Variants in ANO1 observed in about 807,000 individuals in gnomAD.
ANO1 encodes anoctamin-1.
In ANO1, 59 loss-of-function variants were observed where a neutral mutation model predicts 124.0. That is an observed-to-expected ratio of 0.48 (90% CI 0.39 to 0.59). ANO1 has a LOEUF of 0.59. ANO1 is among the 20% of genes least tolerant of loss of function. The probability of loss-of-function intolerance (pLI) is 0.00; values close to 1 mark genes in which losing one functional copy is unlikely to be tolerated. For synonymous variants in ANO1, 529 were observed against 532.0 expected (o/e 0.99, Z 0.08); for missense variants, 1,059 against 1,328.0 (o/e 0.80, Z 3.15).
chr11:70,097,059 G>T (rs1157455447), intron 2 of ANO1, among the ~76,000 whole-genome samples: 1 of 152,102 alleles, frequency 6.6e-6, no homozygotes, highest in East Asian at 1.9e-4. Flanking sequence ...TCCTGGGAGG[G>T]TTGATCTGAG....
chr11:70,158,033 T>C (rs933751100), intron 16 of ANO1, among the ~76,000 whole-genome samples: 1 of 146,362 alleles, frequency 6.8e-6, no homozygotes, highest in Non-Finnish European at 1.5e-5. Context: ...GACCAAAACA[T>C]GACTTGAGCC....
At chr11:70,045,683 G>T (rs1857249438) in intron 1 of ANO1, among the ~76,000 whole-genome samples, 1 of 152,024 alleles carries the variant, frequency 6.6e-6, no homozygotes. Flanking sequence ...TTTAAGGGAA[G>T]ATCTTCACTT....
chr11:70,097,536 G>T (rs1451827089), intron 2 of ANO1, among the ~76,000 whole-genome samples: 2 of 152,220 alleles, frequency 1.3e-5, no homozygotes, highest in African/African-American at 4.8e-5. Flanking sequence ...GCCCTCTGGA[G>T]CCGTGCGGGT....
At chr11:69,976,807 G>A in the ANO1 span, among the ~76,000 whole-genome samples, 2 of 152,216 alleles carry the variant, frequency 1.3e-5, no homozygotes, top group African/African-American at 4.8e-5. Context: ...GAGTCACCTT[G>A]GCTGCCAGGC....
chr11:70,022,917 A>G (rs1856833213), intron 1 of ANO1, among the ~76,000 whole-genome samples: 1 of 152,192 alleles, frequency 6.6e-6, no homozygotes, highest in Admixed American at 6.5e-5. Flanking sequence ...AGGCAGGGGA[A>G]GCAGAGTCGG....
In ANO1 at chr11:70,185,570, T is replaced by A. The variant is rs1171347722; in HGVS notation, c.2589-20T>A. 1 of 1,609,352 alleles carries A rather than the reference T, an allele frequency of 6.2e-7. No homozygotes were observed. Among genetic ancestry groups the A allele is most frequent in the Non-Finnish European group, 8.5e-7 (1 of 1,176,442 alleles). ...GCCCCACCGAAGTCCCACCCTCGAC[T>A]CCACCACGGTCTTTTGCAGGTATAA... is the stretch of plus-strand genomic sequence containing the variant. On this transcript the variant is annotated intron_variant, in intron 24 of 25. Transcript: ENST00000355303.
chr11:70,145,943 CAA>C (rs10589426), intron 11 of ANO1, among the ~76,000 whole-genome samples: 26,290 of 108,374 alleles, frequency 0.24, 2,216 homozygotes, highest in Middle Eastern at 0.42. Flanking sequence ...TCTCAAAAAA[CAA>C]AAAAAAAAAA....
chr11:70,113,026 T>G (rs1341572339), intron 7 of ANO1, among the ~76,000 whole-genome samples: 3 of 152,126 alleles, frequency 2.0e-5, no homozygotes, highest in African/African-American at 7.2e-5. Flanking sequence ...GGCCTCCTCC[T>G]CACTGTAGGT....
intron 1 of ANO1, among the ~76,000 whole-genome samples, chr11:70,005,042 G>A (rs1041514805): frequency 2.6e-5 from 4 of 150,960 alleles, no homozygotes; most frequent in African/African-American, 7.3e-5. Context: ...GAACCTGGGA[G>A]GCGCAGGCTG....
chr11:70,020,383 A>G (rs1351994815), intron 1 of ANO1, among the ~76,000 whole-genome samples: 8 of 152,146 alleles, frequency 5.3e-5, no homozygotes, highest in Admixed American at 5.2e-4. Context: ...TCCACTGCAC[A>G]GGACACTTAT....
chr11:70,173,048 A>G, intron 22 of ANO1, among the ~76,000 whole-genome samples: 1 of 152,210 alleles, frequency 6.6e-6, no homozygotes, highest in East Asian at 1.9e-4. Context: ...CCTAGTGGCA[A>G]GCCCAGCATC....
At chr11:70,016,952 C>T (rs1180524851) in intron 1 of ANO1, among the ~76,000 whole-genome samples, 3 of 152,264 alleles carry the variant, frequency 2.0e-5, no homozygotes, top group East Asian at 1.9e-4. Context: ...CACTGTGCTT[C>T]GTACTAGAGA....
intron 1 of ANO1, among the ~76,000 whole-genome samples, chr11:70,027,459 C>T (rs531353324): frequency 1.2e-4 from 18 of 152,352 alleles, no homozygotes; most frequent in Non-Finnish European, 2.5e-4. Flanking sequence ...CGCTTTCGTG[C>T]TTTGACACAT....
the ANO1 span, among the ~76,000 whole-genome samples, chr11:69,975,477 AG>A: frequency 6.6e-6 from 1 of 152,196 alleles, no homozygotes; most frequent in Non-Finnish European, 1.5e-5. Flanking sequence ...ATCTGTACAA[AG>A]GAGGATTCTA....
At chr11:70,048,607 CTCTG>C (rs1300716765) in intron 1 of ANO1, among the ~76,000 whole-genome samples, 3 of 151,824 alleles carry the variant, frequency 2.0e-5, no homozygotes, top group Non-Finnish European at 4.4e-5. Flanking sequence ...CTCTTTTCTA[CTCTG>C]TCTGTCTCTC....
intron 2 of ANO1, among the ~76,000 whole-genome samples, chr11:70,091,961 A>G (rs2044645363): frequency 1.3e-5 from 2 of 152,210 alleles, no homozygotes; most frequent in Non-Finnish European, 2.9e-5. Flanking sequence ...GCACCTGCAC[A>G]GGCTGGGGGC....
chr11:70,116,197 T>G (rs1258699782), intron 7 of ANO1, among the ~76,000 whole-genome samples: 2 of 152,158 alleles, frequency 1.3e-5, no homozygotes, highest in African/African-American at 4.8e-5. Context: ...TAGAGTCCCC[T>G]CTGTGTCGAG....
At chr11:70,075,467 TA>T (rs150707693), upstream of ANO1, 41,053 of 147,708 alleles carry the variant, frequency 0.28, 7,574 homozygotes, top group African/African-American at 0.54. Flanking sequence ...ATTCCATATT[TA>T]AAAAAAAAAA....
chr11:69,979,673 C>T, the ANO1 span, among the ~76,000 whole-genome samples: 1 of 152,176 alleles, frequency 6.6e-6, no homozygotes, highest in South Asian at 2.1e-4. Flanking sequence ...CACACAGAAG[C>T]AATCCTCATT....
Sources: allele counts gnomAD v4.1 joint callset (sites outside exome capture counted in the v4.1 genomes callset), GRCh38; gene constraint gnomAD v4.1.1; transcripts MANE v1.5; gene names NCBI Gene and HGNC (gene_info 2026-07-23, HGNC 2026-07-21).